COL4A4: variants seen among roughly 807,000 people sequenced by gnomAD.
COL4A4 encodes collagen alpha-4(IV) chain.
A neutral mutation model predicts 192.9 loss-of-function variants in COL4A4; 105 were observed. That is an observed-to-expected ratio of 0.54 (90% CI 0.46 to 0.64). COL4A4 has a LOEUF of 0.64. Ranked by LOEUF, COL4A4 falls within the 30% of genes least tolerant of loss-of-function variation. The pLI is 0.00. For missense variants in COL4A4, 1,967 were observed against 2,169.3 expected (o/e 0.91, Z 1.85); for synonymous variants, 762 against 769.9 (o/e 0.99, Z 0.17).
intron 15 of COL4A4, 53 bp downstream of exon 15, chr2:227,102,736 A>G (rs2060592838): frequency 1.3e-6 from 2 of 1,497,698 alleles, no homozygotes; most frequent in East Asian, 2.3e-5. Flanking sequence ...TTATAAAAAC[A>G]TGAAAGAGAA....
chr2:226,988,807 G>T, the COL4A4 span: 1 of 677,902 alleles, frequency 1.5e-6, no homozygotes, highest in Non-Finnish European at 1.8e-6. Context: ...AAATACTTGA[G>T]AGTTAACTAC....
At chr2:227,097,382 G>A (rs1207211739) in intron 19 of COL4A4, among the ~76,000 whole-genome samples, 1 of 152,246 alleles carries the variant, frequency 6.6e-6, no homozygotes, top group East Asian at 1.9e-4. Context: ...TGTACATATG[G>A]ATACATACAT....
chr2:227,144,941 C>T (rs1012874300), intron 2 of COL4A4, among the ~76,000 whole-genome samples: 1 of 152,004 alleles, frequency 6.6e-6, no homozygotes, highest in Admixed American at 6.6e-5. Flanking sequence ...ACCAGTGTAT[C>T]CCATAATGCC....
Position 227,096,606 on chromosome 2 carries a change from C to G in COL4A4, c.1204+2088G>C, listed in dbSNP as rs150056350. Among the ~76,000 whole-genome samples the G allele has an allele frequency of 4.7e-3, 716 of 152,280 alleles. 5 individuals are homozygous for G. Among genetic ancestry groups the G allele is most frequent in the African/African-American group, 0.016 (651 of 41,542 alleles). The stretch of plus-strand genomic sequence containing the variant: ...TAATAGCTAATATATTGAATCTTTA[C>G]TATACACTAGACTGCAGTCTAAAGG... On this transcript the variant is annotated intron_variant, in intron 19 of 47. Transcript: ENST00000396625.
chr2:227,153,571 A>C (rs1044305695), intron 1 of COL4A4, among the ~76,000 whole-genome samples: 5 of 152,176 alleles, frequency 3.3e-5, no homozygotes, highest in Non-Finnish European at 7.3e-5. Context: ...TGAGTGACAG[A>C]GAACTGACTC....
At chr2:227,133,795 G>A (rs1302606310) in intron 4 of COL4A4, among the ~76,000 whole-genome samples, 2 of 152,096 alleles carry the variant, frequency 1.3e-5, no homozygotes, top group East Asian at 3.9e-4. Context: ...GGAGGCTGAG[G>A]CAGAAGAATT....
intron 1 of COL4A4, among the ~76,000 whole-genome samples, chr2:227,150,473 C>T (rs186020004): frequency 3.3e-5 from 5 of 152,216 alleles, no homozygotes; most frequent in Admixed American, 2.0e-4. Context: ...CTTCTCTGCT[C>T]TTCTACTAAG....
At chr2:227,072,771 C>T (rs561352241) in intron 25 of COL4A4, among the ~76,000 whole-genome samples, 4 of 152,026 alleles carry the variant, frequency 2.6e-5, no homozygotes, top group African/African-American at 9.6e-5. Flanking sequence ...AAATGTGATC[C>T]ATCACATAAA....
At chr2:227,119,630 C>T (rs1039735385) in intron 6 of COL4A4, among the ~76,000 whole-genome samples, 2 of 148,286 alleles carry the variant, frequency 1.3e-5, no homozygotes, top group African/African-American at 4.9e-5. Flanking sequence ...ACAGCAAAAA[C>T]CGCAATTACT....
rs780991255 is a variant in COL4A4 at position 227,032,264 on chromosome 2, ACAT to A, written c.3587_3589del (p.Asp1196del). On this transcript the variant is annotated inframe_deletion, in exon 39 of 48. Coordinates refer to ENST00000396625, the MANE Select transcript of COL4A4 (RefSeq NM_000092.5). ...TATTCCCACTGGACCAGGTGGCCCCACATCATGCAAACCTTAATGGGGAAAACA... is the reference window on the plus strand; with the variant it reads ...TATTCCCACTGGACCAGGTGGCCCCACATGCAAACCTTAATGGGGAAAACA... The A allele has an allele frequency of 6.2e-7, 1 of 1,613,764 alleles. No individual in the cohort carries two copies. Among genetic ancestry groups the A allele is most frequent in the East Asian group, 2.2e-5 (1 of 44,880 alleles).
At chr2:227,153,347 T>C (rs1430337542) in intron 1 of COL4A4, among the ~76,000 whole-genome samples, 2 of 152,192 alleles carry the variant, frequency 1.3e-5, no homozygotes, top group African/African-American at 4.8e-5. Flanking sequence ...TACAGGAAAC[T>C]TCTGCAGAGG....
intron 4 of COL4A4, among the ~76,000 whole-genome samples, chr2:227,138,833 A>G (rs1012490504): frequency 6.6e-6 from 1 of 152,146 alleles, no homozygotes; most frequent in South Asian, 2.1e-4. Flanking sequence ...CAATACCATG[A>G]GAGAAATATG....
intron 32 of COL4A4, among the ~76,000 whole-genome samples, chr2:227,051,726 G>A (rs1974146645): frequency 6.6e-6 from 1 of 152,098 alleles, no homozygotes; most frequent in African/African-American, 2.4e-5. Flanking sequence ...CAGTCATTGC[G>A]CTATTCACTT....
At chr2:227,052,434 G>T in intron 31 of COL4A4, 22 bp from the exon 32 acceptor site, 2 of 1,277,546 alleles carry the variant, frequency 1.6e-6, no homozygotes, top group Non-Finnish European at 2.3e-6. Flanking sequence ...AATTATGCAA[G>T]AACAAAATGA....
chr2:226,992,664 T>A, the COL4A4 span, among the ~76,000 whole-genome samples: 1 of 152,224 alleles, frequency 6.6e-6, no homozygotes, highest in African/African-American at 2.4e-5. Flanking sequence ...TGGAACTTCT[T>A]ATTTTTCTGT....
At chr2:227,102,196 G>C (rs1192690971) in intron 15 of COL4A4, among the ~76,000 whole-genome samples, 1 of 152,128 alleles carries the variant, frequency 6.6e-6, no homozygotes, top group East Asian at 1.9e-4. Context: ...ACTTAACTTA[G>C]TGCTTGCACT....
intron 7 of COL4A4, among the ~76,000 whole-genome samples, chr2:227,117,309 T>C (rs1204282153): frequency 6.6e-6 from 1 of 152,216 alleles, no homozygotes; most frequent in South Asian, 2.1e-4. Context: ...TGAATGCTCA[T>C]GAATCTGTAG....
intron 30 of COL4A4, among the ~76,000 whole-genome samples, chr2:227,054,951 G>A (rs1228271099): frequency 6.6e-6 from 1 of 151,940 alleles, no homozygotes; most frequent in Non-Finnish European, 1.5e-5. Flanking sequence ...CACCGCCCTT[G>A]GCTAATTTTT....
At chr2:227,080,148 C>T (rs2059244178) in intron 24 of COL4A4, among the ~76,000 whole-genome samples, 1 of 152,052 alleles carries the variant, frequency 6.6e-6, no homozygotes, top group South Asian at 2.1e-4. Context: ...TCAGTGGGGC[C>T]CTTCTAGGAT....
Sources: allele counts gnomAD v4.1 joint callset (sites outside exome capture counted in the v4.1 genomes callset), GRCh38; gene constraint gnomAD v4.1.1; transcripts MANE v1.5; gene names NCBI Gene and HGNC (gene_info 2026-07-23, HGNC 2026-07-21).